CIZ1: variants seen among roughly 807,000 people sequenced by gnomAD.
The protein encoded by CIZ1 is CDKN1A interacting zinc finger protein 1, also known as cip1-interacting zinc finger protein.
CIZ1 carries 58 observed loss-of-function variants against 118.6 expected under a neutral mutation model. That is an observed-to-expected ratio of 0.49 (90% CI 0.40 to 0.61). The LOEUF is 0.61. Ranked by LOEUF, CIZ1 falls within the 20% of genes least tolerant of loss-of-function variation. The pLI is 0.00. For synonymous variants in CIZ1, 448 were observed against 443.4 expected (o/e 1.01, Z -0.13); for missense variants, 921 against 1,115.9 (o/e 0.83, Z 2.49).
intron 8 of CIZ1, 109 bp from the exon 9 acceptor site, chr9:128,178,599 G>C (rs1831167406): frequency 1.9e-6 from 3 of 1,589,112 alleles, no homozygotes; most frequent in South Asian, 2.2e-5. Flanking sequence ...CCTGGACCTG[G>C]GTTCCAGGCC....
chr9:128,170,359 A>G (rs1214745731), intron 11 of CIZ1, among the ~76,000 whole-genome samples: 1 of 152,254 alleles, frequency 6.6e-6, no homozygotes, highest in Non-Finnish European at 1.5e-5. Context: ...ACAATAGATA[A>G]AACTGTGTAG....
intron 12 of CIZ1, 122 bp downstream of exon 12, chr9:128,169,898 T>G: frequency 1.9e-6 from 2 of 1,036,236 alleles, no homozygotes; most frequent in Non-Finnish European, 2.9e-6. Flanking sequence ...GAAACTGCAT[T>G]GTGGGTTATG....
At position 128,176,407 on chromosome 9, in the gene CIZ1, T is replaced by C; in HGVS notation, c.1887A>G (p.Gln629=). Residue 629 remains glutamine (Q), a synonymous_variant, in exon 11 of 17, where the codon CAA becomes CAG. Coordinates refer to ENST00000372938, the MANE Select transcript of CIZ1 (RefSeq NM_001131016.2). ...QRLGEIQHMS[Q]ACLLSLLPVP... Reference sequence around the variant, plus strand: ...CGGGCAGCAGGGACAGGAGGCAGGCTTGGCTCATGTGCTGGATCTCCCCTA... The same window carrying C: ...CGGGCAGCAGGGACAGGAGGCAGGCCTGGCTCATGTGCTGGATCTCCCCTA... 1 of 1,614,074 alleles carries C rather than the reference T, an allele frequency of 6.2e-7. No homozygotes were observed. The highest frequency in any genetic ancestry group is 8.5e-7 in the Non-Finnish European group (1 of 1,180,002).
At chr9:128,192,617 A>G (rs1833241976), upstream of CIZ1, among the ~76,000 whole-genome samples, 1 of 152,114 alleles carries the variant, frequency 6.6e-6, no homozygotes, top group Non-Finnish European at 1.5e-5. Flanking sequence ...ATCTGGGCTC[A>G]CCGCAACCTC....
rs1421650526 is a variant in CIZ1, at chr9:128,177,600, CAGA to C, written c.1781_1783del (p.Phe594del). 4 of 1,493,936 alleles carry C rather than the reference CAGA, an allele frequency of 2.7e-6. No homozygotes were observed. In the Admixed American group the frequency reaches 6.1e-5, roughly 23 times the overall value. 92.5% of individuals were successfully genotyped at this position (1,493,936 alleles called of 1,614,324 possible). On this transcript the variant is annotated inframe_deletion, in exon 10 of 17. Coordinates refer to ENST00000372938, the MANE Select transcript of CIZ1 (RefSeq NM_001131016.2). ...GGAGCAGCTGGCCTTGCAGATGTAGCAGAAGAACTGGAGGGCCTGCTTAGAGGG... is the reference window on the plus strand; with the variant it reads ...GGAGCAGCTGGCCTTGCAGATGTAGCAGAACTGGAGGGCCTGCTTAGAGGG...
At chr9:128,193,170 C>G (rs1401460268), upstream of CIZ1, among the ~76,000 whole-genome samples, 1 of 152,200 alleles carries the variant, frequency 6.6e-6, no homozygotes, top group African/African-American at 2.4e-5. Flanking sequence ...GAAAGTGACT[C>G]AGCGAGGCCG....
intron 4 of CIZ1, 28 bp from the exon 5 acceptor site, chr9:128,185,804 G>A (rs1347210386): frequency 6.5e-7 from 1 of 1,536,952 alleles, no homozygotes; most frequent in Non-Finnish European, 9.0e-7. Flanking sequence ...GGAGAAGAGG[G>A]GTCACAATGT....
Position 128,179,126 on chromosome 9 carries a change from C to A in CIZ1, c.1081G>T (p.Val361Leu). Residue 361 changes from valine (V) to leucine (L), a missense_variant, in exon 8 of 17, where the codon GTG (valine) becomes TTG (leucine). Physicochemically the swap from Val to Leu is conservative, Grantham distance 32. Transcript: ENST00000372938. ...GCCTCCTGCTGCAGCTGTGGCTGCA[C>A]CTGCTTCTGTTGCAGCACTAAGTGC... Reference protein sequence around the residue: ...PEHLVLQQKQVQPQLQQEAEP... With the variant: ...PEHLVLQQKQLQPQLQQEAEP... The A allele has an allele frequency of 6.2e-7, 1 of 1,614,110 alleles. No individual in the cohort carries two copies. Among genetic ancestry groups the A allele is most frequent in the African/African-American group, 1.3e-5 (1 of 75,020 alleles).
chr9:128,179,146 A>G lies in CIZ1; in HGVS notation c.1061T>C (p.Leu354Ser). Reference sequence around the variant, plus strand: ...CTGCACCTGCTTCTGTTGCAGCACTAAGTGCTCTGGAGAGGTCTGTGTTTG... The same window carrying G: ...CTGCACCTGCTTCTGTTGCAGCACTGAGTGCTCTGGAGAGGTCTGTGTTTG... The part of the protein sequence containing the change: ...QAQTQTSPEH[L>S]VLQQKQVQPQ... The change falls in exon 8 of 17, where the codon TTA becomes TCA. Residue 354 changes from leucine (L) to serine (S), a missense_variant. Coordinates refer to ENST00000372938, the MANE Select transcript of CIZ1 (RefSeq NM_001131016.2). 1 of 1,613,902 alleles carries G rather than the reference A, an allele frequency of 6.2e-7. No individual in the cohort carries two copies. The highest frequency in any genetic ancestry group is 8.5e-7 in the Non-Finnish European group (1 of 1,179,986).
chr9:128,168,206 T>C lies in CIZ1; in HGVS notation c.2295+846A>G, dbSNP rs139106950. On this transcript the variant is annotated intron_variant, in intron 14 of 16. Transcript: ENST00000372938. Reference sequence around the variant, plus strand: ...AGGGCCTGACCTAGAACACACTCTCTGGAAACGTGTTAAACTGCAAAGAAT... The same window carrying C: ...AGGGCCTGACCTAGAACACACTCTCCGGAAACGTGTTAAACTGCAAAGAAT... Among the ~76,000 whole-genome samples, 1,369 of 152,294 alleles carry C rather than the reference T, an allele frequency of 9.0e-3. 9 individuals carry two copies. The highest frequency in any genetic ancestry group is 0.037 in the Middle Eastern group (11 of 294).
At chr9:128,172,868 G>C (rs915800729) in intron 11 of CIZ1, among the ~76,000 whole-genome samples, 1 of 151,990 alleles carries the variant, frequency 6.6e-6, no homozygotes, top group African/African-American at 2.4e-5. Flanking sequence ...AAATTTTTTT[G>C]TAGTCAAAAA....
chr9:128,200,477 A>G (rs996437153), intron 1 of CIZ1, among the ~76,000 whole-genome samples: 7 of 151,420 alleles, frequency 4.6e-5, no homozygotes, highest in African/African-American at 1.7e-4. Context: ...GGCCAAGATG[A>G]TGAAACCCCG....
upstream of CIZ1, among the ~76,000 whole-genome samples, chr9:128,195,047 C>T (rs903520528): frequency 6.6e-6 from 1 of 151,998 alleles, no homozygotes; most frequent in Non-Finnish European, 1.5e-5. Context: ...GTCTTGAACT[C>T]ATAGGTTCAA....
chr9:128,170,300 G>A (rs1416128452), intron 11 of CIZ1, among the ~76,000 whole-genome samples, 193 bp from the exon 12 acceptor site: 1 of 152,170 alleles, frequency 6.6e-6, no homozygotes, highest in Non-Finnish European at 1.5e-5. Flanking sequence ...TAGGGGGAAG[G>A]GGAATGAAGC....
Position 128,203,322 on chromosome 9 carries a change from C to T in CIZ1, c.-6+864G>A, listed in dbSNP as rs1459198249. 3.2e-6 allele frequency: 2 copies of T among 628,582 alleles called. No individual in the cohort carries two copies. The highest frequency in any genetic ancestry group is 4.3e-6 in the Non-Finnish European group (2 of 468,140). 38.9% of individuals were successfully genotyped at this position (628,582 alleles called of 1,614,324 possible). A position where few individuals can be genotyped will look rare whatever the true frequency, so the allele number is the denominator to read the frequency against. ...CAGCGCCGCGGGCTCCCCCTAGCGGCGTCCGGGAGCGGTGCTCGCTCCGAT... is the reference window on the plus strand; with the variant it reads ...CAGCGCCGCGGGCTCCCCCTAGCGGTGTCCGGGAGCGGTGCTCGCTCCGAT... On this transcript the variant is annotated intron_variant, in intron 1 of 17. Coordinates refer to the CIZ1 transcript ENST00000372948. This position sits in a 1 kb window ranked among gnomAD's most constrained non-coding sequence, Gnocchi z 5.3.
At chr9:128,176,082 A>T (rs775135395) in intron 11 of CIZ1, among the ~76,000 whole-genome samples, 2 of 152,182 alleles carry the variant, frequency 1.3e-5, no homozygotes, top group Non-Finnish European at 2.9e-5. Context: ...CTGTGCCACA[A>T]CCTGTCCTCT....
At chr9:128,167,051 A>C (rs1299768127) in intron 15 of CIZ1, 44 bp downstream of exon 15, 1 of 1,580,710 alleles carries the variant, frequency 6.3e-7, no homozygotes, top group African/African-American at 1.3e-5. Context: ...GGCTGGGCCC[A>C]AGGGCTGAAG....
chr9:128,176,535 C>G, intron 10 of CIZ1, 60 bp from the exon 11 acceptor site: 1 of 1,548,658 alleles, frequency 6.5e-7, no homozygotes, highest in Non-Finnish European at 8.7e-7. Context: ...GTGGGCAAGG[C>G]TGGGGCCTGG....
chr9:128,203,203 C>G lies in CIZ1; in HGVS notation c.-6+983G>C, dbSNP rs1037134060. The G allele has an allele frequency of 5.8e-6, 1 of 171,456 alleles. No individual in the cohort carries two copies. The highest frequency in any genetic ancestry group is 6.3e-5 in the Admixed American group (1 of 15,922). 10.6% of individuals were successfully genotyped at this position (171,456 alleles called of 1,614,324 possible). A position where few individuals can be genotyped will look rare whatever the true frequency, so the allele number is the denominator to read the frequency against. ...ATATTCTGCGCAGCATCCGCGCACC[C>G]CAGACACTGCTAAAGCACCCCAAAA... On this transcript the variant is annotated intron_variant, in intron 1 of 17. Coordinates refer to the CIZ1 transcript ENST00000372948. The surrounding 1 kb of genome is among the most constrained non-coding windows in gnomAD (Gnocchi z 5.3).
Sources: allele counts gnomAD v4.1 joint callset (sites outside exome capture counted in the v4.1 genomes callset), GRCh38; gene constraint gnomAD v4.1.1; non-coding constraint Gnocchi (gnomAD v3.1); transcripts MANE v1.5; gene names NCBI Gene and HGNC (gene_info 2026-07-23, HGNC 2026-07-21).